The following SDK1 variants were observed in gnomAD, a reference collection of about 807,000 sequenced individuals.
SDK1 encodes sidekick cell adhesion molecule 1.
SDK1 carries 157 observed loss-of-function variants against 245.5 expected under a neutral mutation model. The ratio of observed to expected loss-of-function variants is 0.64; its 90% confidence interval spans 0.56 to 0.73. The LOEUF (loss-of-function observed/expected upper bound fraction) is 0.73. Among genes scored for constraint, SDK1 ranks in the 30% least tolerant of loss-of-function variants. The pLI is 0.00. For missense variants in SDK1, 3,583 were observed against 3,002.3 expected (o/e 1.19, Z -4.52); for synonymous variants, 1,647 against 1,278.5 (o/e 1.29, Z -6.15).
intron 25 of SDK1, among the ~76,000 whole-genome samples, chr7:4,120,211 C>T (rs1409817287): frequency 6.7e-6 from 1 of 148,974 alleles, no homozygotes; most frequent in Non-Finnish European, 1.5e-5. Context: ...TTACAAAATA[C>T]ACAGAGATAA....
chr7:3,576,174 C>T (rs1583184798), intron 1 of SDK1, among the ~76,000 whole-genome samples: 1 of 152,112 alleles, frequency 6.6e-6, no homozygotes. Context: ...CTTTGGATCT[C>T]TTAAGGGATA....
intron 20 of SDK1, among the ~76,000 whole-genome samples, chr7:4,073,084 C>T (rs532150259): frequency 1.7e-4 from 26 of 152,318 alleles, no homozygotes; most frequent in African/African-American, 6.3e-4. Flanking sequence ...GCTCCTCTGG[C>T]CATTAGTCTC....
chr7:3,454,805 G>A (rs908619037), intron 1 of SDK1, among the ~76,000 whole-genome samples: 2 of 152,136 alleles, frequency 1.3e-5, no homozygotes, highest in African/African-American at 4.8e-5. Flanking sequence ...TTCCATGCAG[G>A]TTTTTGTGCA....
intron 32 of SDK1, among the ~76,000 whole-genome samples, chr7:4,172,513 A>G (rs951046502): frequency 6.6e-6 from 1 of 152,234 alleles, no homozygotes; most frequent in Non-Finnish European, 1.5e-5. Flanking sequence ...CGATTTCTCT[A>G]AACATCCAAC....
chr7:3,734,797 A>G (rs1779274827), intron 4 of SDK1, among the ~76,000 whole-genome samples: 1 of 152,248 alleles, frequency 6.6e-6, no homozygotes, highest in Non-Finnish European at 1.5e-5. Flanking sequence ...CCTCTGTCTT[A>G]TAAACAGATT....
At position 3,765,322 on chromosome 7, in the gene SDK1, T is replaced by C. The variant is rs576123598; in HGVS notation, c.714-56128T>C. Reference sequence around the variant, plus strand: ...CAATGAATTTTAAAATATATGCCCATGAAAATACCATCCAGATAGGGAAAT... The same window carrying C: ...CAATGAATTTTAAAATATATGCCCACGAAAATACCATCCAGATAGGGAAAT... On this transcript the variant is annotated intron_variant, in intron 4 of 44. Transcript: ENST00000404826. Among the ~76,000 whole-genome samples, 22 of 152,332 alleles carry C rather than the reference T, an allele frequency of 1.4e-4. No individual in the cohort carries two copies. In the South Asian group the frequency reaches 2.7e-3, roughly 19 times the overall value.
chr7:4,040,662 C>T (rs1249286348), intron 17 of SDK1, among the ~76,000 whole-genome samples: 5 of 152,086 alleles, frequency 3.3e-5, no homozygotes, highest in African/African-American at 1.2e-4. Flanking sequence ...TTGGTCAGAC[C>T]AGGTGTGCCA....
At chr7:3,477,525 T>C (rs2128600769) in intron 1 of SDK1, among the ~76,000 whole-genome samples, 1 of 151,142 alleles carries the variant, frequency 6.6e-6, no homozygotes, top group Non-Finnish European at 1.5e-5. Context: ...TCTTTTTTTT[T>C]TTTTAAGAGA....
At chr7:3,852,352 G>C (rs960478889) in intron 5 of SDK1, among the ~76,000 whole-genome samples, 11 of 152,106 alleles carry the variant, frequency 7.2e-5, no homozygotes, top group African/African-American at 2.7e-4. Context: ...GCATTGCTGT[G>C]GGTACCGTGC....
chr7:4,051,054 T>C (rs1789424666), intron 18 of SDK1, among the ~76,000 whole-genome samples: 2 of 141,374 alleles, frequency 1.4e-5, no homozygotes, highest in East Asian at 3.9e-4. Context: ...TAGTATACTA[T>C]ACATATATAT....
intron 19 of SDK1, among the ~76,000 whole-genome samples, chr7:4,062,779 A>T (rs1779621742): frequency 6.6e-6 from 1 of 152,212 alleles, no homozygotes; most frequent in South Asian, 2.1e-4. Context: ...GATTTATCCC[A>T]GGGATGCAAG....
intron 1 of SDK1, among the ~76,000 whole-genome samples, chr7:3,420,905 C>T (rs916487236): frequency 2.6e-5 from 4 of 152,116 alleles, no homozygotes; most frequent in African/African-American, 9.7e-5. Flanking sequence ...GCTCTCTGTC[C>T]TTCCACACCT....
chr7:3,838,370 A>C (rs1780073880), intron 5 of SDK1, among the ~76,000 whole-genome samples: 1 of 152,234 alleles, frequency 6.6e-6, no homozygotes, highest in African/African-American at 2.4e-5. Flanking sequence ...GCACCCAGAC[A>C]CATCAGTGGG....
chr7:4,125,088 ATGG>A, intron 25 of SDK1, among the ~76,000 whole-genome samples: 1 of 138,940 alleles, frequency 7.2e-6, no homozygotes, highest in East Asian at 2.5e-4. Flanking sequence ...TGGATGGATG[ATGG>A]ATGGATGAGT....
intron 5 of SDK1, among the ~76,000 whole-genome samples, chr7:3,902,364 CA>C (rs1330634715): frequency 6.6e-6 from 1 of 152,190 alleles, no homozygotes; most frequent in Non-Finnish European, 1.5e-5. Context: ...CCCACTTATT[CA>C]ATCCTACAAT....
chr7:3,619,206 A>T lies in SDK1; in HGVS notation c.425A>T (p.Asp142Val). 6.2e-7 allele frequency: 1 copy of T among 1,613,296 alleles called. No individual in the cohort carries two copies. The change falls in exon 2 of 45, where the codon GAC becomes GTC. Residue 142 changes from aspartate to valine, a missense_variant. By Grantham distance (152) the Asp-to-Val change is radical (BLOSUM62 -3). Coordinates refer to ENST00000404826, the MANE Select transcript of SDK1 (RefSeq NM_152744.4). ...WPLEFKWMRDDSELTTYSSEY... is the reference protein window; with the variant it reads ...WPLEFKWMRDVSELTTYSSEY... Reference sequence around the variant, plus strand: ...TTGGAGTTCAAGTGGATGCGCGATGACAGTGAGCTCACCACCTACAGCAGC... The same window carrying T: ...TTGGAGTTCAAGTGGATGCGCGATGTCAGTGAGCTCACCACCTACAGCAGC...
chr7:3,637,401 C>G (rs1782493802), intron 2 of SDK1, among the ~76,000 whole-genome samples: 1 of 152,168 alleles, frequency 6.6e-6, no homozygotes, highest in African/African-American at 2.4e-5. Flanking sequence ...CTGGCCTCTC[C>G]TGTATTTTGG....
At chr7:4,146,388 CAT>C (rs1405519223) in intron 29 of SDK1, among the ~76,000 whole-genome samples, 3 of 148,010 alleles carry the variant, frequency 2.0e-5, no homozygotes, top group African/African-American at 7.8e-5. Flanking sequence ...CTCTCTCAGA[CAT>C]GTGAGCATTT....
At chr7:3,776,309 G>C (rs1485897066) in intron 4 of SDK1, among the ~76,000 whole-genome samples, 5 of 152,222 alleles carry the variant, frequency 3.3e-5, no homozygotes, top group Non-Finnish European at 7.3e-5. Flanking sequence ...ACACTGCAGA[G>C]ATGTTAGTTT....
Sources: allele counts gnomAD v4.1 joint callset (sites outside exome capture counted in the v4.1 genomes callset), GRCh38; gene constraint gnomAD v4.1.1; transcripts MANE v1.5; gene names NCBI Gene and HGNC (gene_info 2026-07-23, HGNC 2026-07-21).